Variants in RBFOX1 observed in about 807,000 individuals in gnomAD.
RBFOX1 encodes RNA binding fox-1 homolog 1.
A neutral mutation model predicts 57.7 loss-of-function variants in RBFOX1; 8 were observed. The observed-to-expected ratio is 0.14, with a 90% CI of 0.08 to 0.25. The LOEUF (loss-of-function observed/expected upper bound fraction) is 0.25, where lower values mean the gene tolerates loss of function less well. RBFOX1 is among the 10% of genes least tolerant of loss of function. The pLI is 1.00. For missense variants in RBFOX1, 611 were observed against 548.5 expected (o/e 1.11, Z -1.14); for synonymous variants, 326 against 222.4 (o/e 1.47, Z -4.15).
chr16:6,684,244 G>A (rs2059100230), intron 3 of RBFOX1, among the ~76,000 whole-genome samples: 1 of 152,200 alleles, frequency 6.6e-6, no homozygotes. Flanking sequence ...TGGTGTTAGA[G>A]GCTAATGTGG....
chr16:6,243,477 C>A (rs2097550900), intron 1 of RBFOX1, among the ~76,000 whole-genome samples: 2 of 152,184 alleles, frequency 1.3e-5, no homozygotes, highest in South Asian at 4.2e-4. Flanking sequence ...TGCTTTCCAG[C>A]TGCAGCCTCC....
At chr16:5,268,716 T>C (rs375550433) in intron 1 of RBFOX1, among the ~76,000 whole-genome samples, 1 of 152,258 alleles carries the variant, frequency 6.6e-6, no homozygotes, top group Non-Finnish European at 1.5e-5. Context: ...GTACCCATAG[T>C]TCATTTTCCA....
intron 4 of RBFOX1, among the ~76,000 whole-genome samples, chr16:5,968,995 G>C (rs1319373738): frequency 6.6e-6 from 1 of 151,822 alleles, no homozygotes; most frequent in Non-Finnish European, 1.5e-5. Context: ...ATATTGATTT[G>C]CCCTTAGGTT....
chr16:6,658,440 C>T (rs1284152655), intron 3 of RBFOX1, among the ~76,000 whole-genome samples: 1 of 152,014 alleles, frequency 6.6e-6, no homozygotes, highest in Non-Finnish European at 1.5e-5. Context: ...AACTCCTGAC[C>T]TCGTGATCCG....
intron 1 of RBFOX1, among the ~76,000 whole-genome samples, chr16:6,200,345 T>G (rs559467257): frequency 1.3e-5 from 2 of 152,218 alleles, no homozygotes; most frequent in South Asian, 4.2e-4. Flanking sequence ...GAGAGCAGTT[T>G]TAAGCATCTG....
At chr16:7,009,306 T>TTCTTTC (rs1270377106) in intron 3 of RBFOX1, among the ~76,000 whole-genome samples, 22 of 149,464 alleles carry the variant, frequency 1.5e-4, no homozygotes, top group African/African-American at 4.9e-4. Flanking sequence ...TGTCTCTTCC[T>TTCTTTC]TCTTTCTCTT....
chr16:6,550,408 C>T (rs1229292696), intron 2 of RBFOX1, among the ~76,000 whole-genome samples: 1 of 152,190 alleles, frequency 6.6e-6, no homozygotes, highest in Non-Finnish European at 1.5e-5. Context: ...AGTTCATGGC[C>T]TCCAATTCGT....
At chr16:7,454,013 G>A (rs1252661715) in intron 4 of RBFOX1, among the ~76,000 whole-genome samples, 1 of 152,166 alleles carries the variant, frequency 6.6e-6, no homozygotes, top group Non-Finnish European at 1.5e-5. Context: ...CGGGTGGATT[G>A]CCTGAGGTCA....
At chr16:7,625,094 T>C (rs1236088380) in intron 10 of RBFOX1, among the ~76,000 whole-genome samples, 1 of 152,096 alleles carries the variant, frequency 6.6e-6, no homozygotes, top group African/African-American at 2.4e-5. Context: ...AGGGGATTGC[T>C]TTGGCCAGGT....
intron 1 of RBFOX1, among the ~76,000 whole-genome samples, chr16:6,138,256 T>C (rs2096683643): frequency 6.6e-6 from 1 of 152,238 alleles, no homozygotes; most frequent in Admixed American, 6.5e-5. Context: ...GTTGCCTTTC[T>C]GGCAACTCTA....
chr16:6,859,764 T>G lies in RBFOX1; in HGVS notation c.-15-192293T>G, dbSNP rs2058679153. ...TTTGACAATAGCAGACATGTTAATA[T>G]GAAGTTACTGCTAAGGCTCCAAAAG... is the stretch of plus-strand genomic sequence containing the variant. On this transcript the variant is annotated intron_variant, in intron 3 of 15. Coordinates refer to ENST00000550418, the MANE Select transcript of RBFOX1 (RefSeq NM_018723.4). Among the ~76,000 whole-genome samples the G allele has an allele frequency of 2.6e-5, 4 of 152,306 alleles. No homozygotes were observed. The South Asian group carries it at 8.3e-4, about 32-fold the overall frequency.
At chr16:5,629,876 G>C (rs1254095606) in intron 3 of RBFOX1, among the ~76,000 whole-genome samples, 1 of 152,168 alleles carries the variant, frequency 6.6e-6, no homozygotes, top group Non-Finnish European at 1.5e-5. Flanking sequence ...ATGTCTTCTT[G>C]AGTAGGAAAG....
intron 2 of RBFOX1, among the ~76,000 whole-genome samples, chr16:6,589,731 G>C (rs895903010): frequency 5.3e-5 from 8 of 152,198 alleles, no homozygotes; most frequent in African/African-American, 1.9e-4. Context: ...TTTGGGGAAA[G>C]GGCTGTTCTC....
chr16:6,117,648 C>T (rs8052721), intron 1 of RBFOX1, among the ~76,000 whole-genome samples: 5,663 of 152,358 alleles, frequency 0.037, 183 homozygotes, highest in African/African-American at 0.077. Context: ...CACTCAACAA[C>T]TGAGCCTGCT....
At chr16:5,683,039 C>G (rs1293167394) in intron 3 of RBFOX1, among the ~76,000 whole-genome samples, 1 of 151,926 alleles carries the variant, frequency 6.6e-6, no homozygotes, top group Non-Finnish European at 1.5e-5. Flanking sequence ...TCAGAGTGTC[C>G]ACCTTTTAGG....
intron 1 of RBFOX1, among the ~76,000 whole-genome samples, chr16:6,261,178 G>C (rs2097699368): frequency 6.6e-6 from 1 of 152,162 alleles, no homozygotes; most frequent in African/African-American, 2.4e-5. Flanking sequence ...TGACTGCAAG[G>C]AGTTTGGCTT....
At chr16:5,580,537 T>C (rs577763457) in intron 2 of RBFOX1, among the ~76,000 whole-genome samples, 43 of 152,326 alleles carry the variant, frequency 2.8e-4, no homozygotes, top group African/African-American at 8.4e-4. Context: ...GAGCCAGGGC[T>C]GCTTGGCTGA....
rs58742007 is a variant in RBFOX1, at chr16:6,936,356, A to G, written c.-15-115701A>G. Among the ~76,000 whole-genome samples the G allele has an allele frequency of 2.1e-3, 325 of 152,330 alleles. 4 individuals carry two copies. The highest frequency in any genetic ancestry group is 7.2e-3 in the African/African-American group (298 of 41,576). ...TACCAAGTTGTTGAACCAACTCTCA[A>G]TGAGCATAGGCACAAACAGAAACAA... is the stretch of plus-strand genomic sequence containing the variant. On this transcript the variant is annotated intron_variant, in intron 3 of 15. Transcript: ENST00000550418.
intron 1 of RBFOX1, among the ~76,000 whole-genome samples, chr16:6,172,232 G>T (rs914562015): frequency 5.3e-5 from 8 of 152,180 alleles, no homozygotes; most frequent in Non-Finnish European, 8.8e-5. Context: ...TGTGAGCTAA[G>T]ATGTCACTTG....
Sources: allele counts gnomAD v4.1 joint callset (sites outside exome capture counted in the v4.1 genomes callset), GRCh38; gene constraint gnomAD v4.1.1; transcripts MANE v1.5; gene names NCBI Gene and HGNC (gene_info 2026-07-23, HGNC 2026-07-21).